The following FAM107B variants were observed in gnomAD, a reference collection of about 807,000 sequenced individuals.
The protein encoded by FAM107B is family with sequence similarity 107 member B, also known as protein FAM107B.
Under a neutral mutation model 31.5 loss-of-function variants are expected in FAM107B, and 21 were observed. The observed-to-expected ratio is 0.67, with a 90% CI of 0.47 to 0.96. The LOEUF (loss-of-function observed/expected upper bound fraction) is 0.96. Among genes scored for constraint, FAM107B ranks in the 40% least tolerant of loss-of-function variants. The pLI is 0.00. For missense variants in FAM107B, 452 were observed against 377.1 expected (o/e 1.20, Z -1.64); for synonymous variants, 157 against 141.5 (o/e 1.11, Z -0.78).
At chr10:14,666,253 G>T (rs1854400711) in intron 2 of FAM107B, among the ~76,000 whole-genome samples, 1 of 152,150 alleles carries the variant, frequency 6.6e-6, no homozygotes, top group Non-Finnish European at 1.5e-5. Flanking sequence ...AGGTTTAATT[G>T]ACTCACAGTT....
intron 2 of FAM107B, among the ~76,000 whole-genome samples, chr10:14,615,256 G>A (rs777108253): frequency 6.6e-5 from 10 of 152,112 alleles, no homozygotes; most frequent in Admixed American, 2.0e-4. Flanking sequence ...TTGAACCTGG[G>A]AGGTGAAGGT....
chr10:14,700,537 G>A (rs1588714861), intron 1 of FAM107B, among the ~76,000 whole-genome samples: 1 of 151,926 alleles, frequency 6.6e-6, no homozygotes, highest in South Asian at 2.1e-4. Context: ...AAAGATCAAT[G>A]TCCTGATGCA....
chr10:14,560,080 T>C (rs942446314), intron 2 of FAM107B, among the ~76,000 whole-genome samples: 16 of 152,288 alleles, frequency 1.1e-4, no homozygotes, highest in African/African-American at 3.6e-4. Context: ...CTCTACTCAA[T>C]AGCCTGATCC....
chr10:14,628,122 T>TTTTTTTTTTTTTTTTTTG (rs1853220114), intron 2 of FAM107B, among the ~76,000 whole-genome samples: 1 of 99,154 alleles, frequency 1.0e-5, no homozygotes, highest in Admixed American at 1.0e-4. Flanking sequence ...GTTTTTTTTT[T>TTTTTTTTTTTTTTTTTTG]TTTTTTTTTT....
At chr10:14,572,512 A>C in intron 2 of FAM107B, 6 of 524,534 alleles carry the variant, frequency 1.1e-5, no homozygotes, top group Non-Finnish European at 1.5e-5. Flanking sequence ...TCATGGCATC[A>C]CAGCCCACTT....
At chr10:14,620,219 A>G (rs1852972633) in intron 2 of FAM107B, among the ~76,000 whole-genome samples, 2 of 151,882 alleles carry the variant, frequency 1.3e-5, no homozygotes, top group Non-Finnish European at 2.9e-5. Flanking sequence ...GGGTTTCACC[A>G]TGTTGGCCAG....
At chr10:14,724,410 TGTAA>T (rs1855982305) in intron 1 of FAM107B, among the ~76,000 whole-genome samples, 1 of 152,226 alleles carries the variant, frequency 6.6e-6, no homozygotes, top group South Asian at 2.1e-4. Flanking sequence ...GCCAATTGAC[TGTAA>T]GTAAAGGGTT....
intron 2 of FAM107B, among the ~76,000 whole-genome samples, chr10:14,579,849 C>A (rs531693613): frequency 6.6e-6 from 1 of 152,028 alleles, no homozygotes; most frequent in African/African-American, 2.4e-5. Context: ...CGGTGAAACC[C>A]CATCTCTACT....
chr10:14,750,568 C>T (rs1457184869), intron 1 of FAM107B, among the ~76,000 whole-genome samples: 2 of 152,094 alleles, frequency 1.3e-5, no homozygotes, highest in Non-Finnish European at 2.9e-5. Context: ...GCTGAGATCA[C>T]GCCACTGCAC....
intron 2 of FAM107B, among the ~76,000 whole-genome samples, chr10:14,582,141 T>C (rs1286123444): frequency 1.3e-5 from 2 of 152,182 alleles, no homozygotes; most frequent in Non-Finnish European, 2.9e-5. Context: ...CTGTTTGCCA[T>C]GGGTTACCAA....
At chr10:14,650,505 C>T (rs950985852) in intron 2 of FAM107B, among the ~76,000 whole-genome samples, 3 of 152,160 alleles carry the variant, frequency 2.0e-5, no homozygotes, top group African/African-American at 7.2e-5. Context: ...AGGCTGGTCT[C>T]GAACTCCCGA....
chr10:14,566,237 T>C (rs1564572428), intron 2 of FAM107B, among the ~76,000 whole-genome samples: 1 of 152,108 alleles, frequency 6.6e-6, no homozygotes, highest in African/African-American at 2.4e-5. Context: ...AAAGAATAAG[T>C]AGGTAACACA....
At chr10:14,648,263 C>T (rs1205759265) in intron 2 of FAM107B, among the ~76,000 whole-genome samples, 1 of 152,214 alleles carries the variant, frequency 6.6e-6, no homozygotes, top group Non-Finnish European at 1.5e-5. Context: ...TAAAACCGAA[C>T]TGCTGGGGTC....
intron 1 of FAM107B, among the ~76,000 whole-genome samples, chr10:14,687,842 CACAT>C (rs1855026743): frequency 1.3e-5 from 2 of 152,230 alleles, no homozygotes; most frequent in Non-Finnish European, 2.9e-5. Flanking sequence ...CAACCACACA[CACAT>C]ACGTGCACAC....
At chr10:14,524,020 C>A (rs1242258462) in intron 3 of FAM107B, among the ~76,000 whole-genome samples, 1 of 148,822 alleles carries the variant, frequency 6.7e-6, no homozygotes, top group Non-Finnish European at 1.5e-5. Flanking sequence ...GCACATGCCA[C>A]CACGCCCAGC....
intron 2 of FAM107B, among the ~76,000 whole-genome samples, chr10:14,539,732 C>A (rs1847987749): frequency 6.6e-6 from 1 of 152,146 alleles, no homozygotes; most frequent in South Asian, 2.1e-4. Context: ...TAAAATCCTT[C>A]AAGGGCCCAC....
At chr10:14,627,688 G>A (rs1184416018) in intron 2 of FAM107B, among the ~76,000 whole-genome samples, 8 of 152,238 alleles carry the variant, frequency 5.3e-5, no homozygotes, top group Middle Eastern at 3.4e-3. Context: ...CAGGTAGATC[G>A]CTTGAGCCCA....
chr10:14,757,525 A>G (rs1220136899), intron 1 of FAM107B, among the ~76,000 whole-genome samples: 5 of 152,254 alleles, frequency 3.3e-5, no homozygotes, highest in African/African-American at 4.8e-5. Context: ...CAAACTATTC[A>G]GTGAGCCAGA....
At chr10:14,534,515 A>T (rs1444455905) in intron 2 of FAM107B, among the ~76,000 whole-genome samples, 1 of 152,000 alleles carries the variant, frequency 6.6e-6, no homozygotes, top group Non-Finnish European at 1.5e-5. Flanking sequence ...CGTCTCACAA[A>T]TCCTATCTTC....
Sources: allele counts gnomAD v4.1 joint callset (sites outside exome capture counted in the v4.1 genomes callset), GRCh38; gene constraint gnomAD v4.1.1; transcripts MANE v1.5; gene names NCBI Gene and HGNC (gene_info 2026-07-23, HGNC 2026-07-21).